Variants in PCDHGA9 observed in about 807,000 individuals in gnomAD.
PCDHGA9 encodes protocadherin gamma subfamily A, 9.
A neutral mutation model predicts 62.5 loss-of-function variants in PCDHGA9; 37 were observed. The ratio of observed to expected loss-of-function variants is 0.59; its 90% CI spans 0.46 to 0.78. The LOEUF (loss-of-function observed/expected upper bound fraction) is 0.78, where lower values mean the gene tolerates loss of function less well. Among genes scored for constraint, PCDHGA9 ranks in the 30% least tolerant of loss-of-function variants. The pLI is 0.00. For missense variants in PCDHGA9, 1,138 were observed against 1,166.2 expected (o/e 0.98, Z 0.35); for synonymous variants, 459 against 484.6 (o/e 0.95, Z 0.69).
rs1157645386 is a variant in PCDHGA9 at position 141,477,622 on chromosome 5, A to C, written c.2425-17185A>C. On this transcript the variant is annotated intron_variant, in intron 1 of 3. Coordinates refer to ENST00000573521, the MANE Select transcript of PCDHGA9 (RefSeq NM_018921.3). This position sits in a 1 kb window ranked among gnomAD's most constrained non-coding sequence, Gnocchi z 4.9. ...TCTTTCTCTTGGAGCAAGGAGCTGA[A>C]ACCGGGCTAGTGGGTCGCTATTTCA... 1 of 1,614,108 alleles carries C rather than the reference A, an allele frequency of 6.2e-7. No homozygotes were observed. The highest frequency in any genetic ancestry group is 2.2e-5 in the East Asian group (1 of 44,904).
chr5:141,496,589 G>A (rs914585858), intron 2 of PCDHGA9, among the ~76,000 whole-genome samples: 7 of 152,124 alleles, frequency 4.6e-5, no homozygotes, highest in Admixed American at 6.5e-5. Flanking sequence ...AACGCAAAGC[G>A]CTTCTTAGAA....
chr5:141,424,036 C>A, intron 1 of PCDHGA9: 1 of 1,029,606 alleles, frequency 9.7e-7, no homozygotes, highest in Non-Finnish European at 1.2e-6. Context: ...CTTTTTATTT[C>A]CATTTCAATT....
intron 1 of PCDHGA9, chr5:141,427,980 G>A (rs1398178738): frequency 6.3e-7 from 1 of 1,596,206 alleles, no homozygotes. Context: ...CCCCGCGCTG[G>A]GGCCCGATGG....
intron 1 of PCDHGA9, chr5:141,423,755 G>A (rs1236551808): frequency 2.5e-5 from 13 of 512,416 alleles, no homozygotes; most frequent in Non-Finnish European, 3.4e-5. Context: ...CTGTTTGGGG[G>A]GGGGGTGGGG....
chr5:141,431,016 C>A lies in PCDHGA9; in HGVS notation c.2424+25640C>A, dbSNP rs755015257. 4 of 1,613,456 alleles carry A rather than the reference C, an allele frequency of 2.5e-6. No individual in the cohort carries two copies. Among genetic ancestry groups the A allele is most frequent in the East Asian group, 2.2e-5 (1 of 44,860 alleles). ...AATCCGCGCAGCGGCAGCTTGGTCA[C>A]GGCGGGCAGGATAGACCGGGAGGAG... is the stretch of plus-strand genomic sequence containing the variant. On this transcript the variant is annotated intron_variant, in intron 1 of 3. Coordinates refer to ENST00000573521, the MANE Select transcript of PCDHGA9 (RefSeq NM_018921.3). The surrounding 1 kb of genome is among the most constrained non-coding windows in gnomAD (Gnocchi z 4.8).
intron 1 of PCDHGA9, chr5:141,409,838 G>A: frequency 1.2e-6 from 2 of 1,611,532 alleles, no homozygotes; most frequent in Non-Finnish European, 1.7e-6. Context: ...CAGCGCCAAC[G>A]TGAGCCTGCG....
chr5:141,447,824 G>T (rs926580893), intron 1 of PCDHGA9, among the ~76,000 whole-genome samples: 2 of 152,034 alleles, frequency 1.3e-5, no homozygotes, highest in Non-Finnish European at 2.9e-5. Context: ...GGTGGCTCAC[G>T]CCTGTAATCC....
In PCDHGA9 at chr5:141,511,033, C is replaced by T. The variant is rs1185153127; in HGVS notation, c.2659C>T (p.His887Tyr). 6.2e-7 allele frequency: 1 copy of T among 1,614,202 alleles called. No individual in the cohort carries two copies. The highest frequency in any genetic ancestry group is 1.7e-5 in the Admixed American group (1 of 60,032). ...CTACGGACCCCAGTTCACCCTGCAG[C>T]ACGTGCCCGACTACCGCCAGAATGT... ...ARYGPQFTLQ[H>Y]VPDYRQNVYI... Residue 887 changes from histidine to tyrosine, a missense_variant, in exon 4 of 4, where the codon CAC becomes TAC. His to Tyr is a moderately conservative substitution (Grantham distance 83). Coordinates refer to ENST00000573521, the MANE Select transcript of PCDHGA9 (RefSeq NM_018921.3).
chr5:141,423,777 T>A, intron 1 of PCDHGA9: 1 of 1,159,844 alleles, frequency 8.6e-7, no homozygotes, highest in Non-Finnish European at 1.1e-6. Flanking sequence ...GGCATATATT[T>A]AGTTCATATA....
chr5:141,468,815 A>G (rs866523229), intron 1 of PCDHGA9, among the ~76,000 whole-genome samples: 7 of 151,958 alleles, frequency 4.6e-5, no homozygotes, highest in Middle Eastern at 3.4e-3. Context: ...GCAGTGAGCC[A>G]AGATCAAGCC....
chr5:141,419,569 C>T (rs1200109635), intron 1 of PCDHGA9: 3 of 1,611,654 alleles, frequency 1.9e-6, no homozygotes, highest in East Asian at 2.2e-5. Context: ...TGGGTCCCGA[C>T]GGCTCCGCGC....
rs888389135 is a variant in PCDHGA9 at position 141,487,089 on chromosome 5, C to T, written c.2425-7718C>T. 12 of 1,613,882 alleles carry T rather than the reference C, an allele frequency of 7.4e-6. No individual in the cohort carries two copies. Among genetic ancestry groups the T allele is most frequent in the Non-Finnish European group, 1.0e-5 (12 of 1,179,768 alleles). On this transcript the variant is annotated intron_variant, in intron 1 of 3. Coordinates refer to ENST00000573521, the MANE Select transcript of PCDHGA9 (RefSeq NM_018921.3). The surrounding 1 kb of genome is among the most constrained non-coding windows in gnomAD (Gnocchi z 5.0). The stretch of plus-strand genomic sequence containing the variant: ...GCTGTTCCTATCCCAGCTGACCTCC[C>T]ACCACAGAAGCTGGTCATTGTGGTA...
intron 1 of PCDHGA9, chr5:141,441,669 T>C: frequency 3.5e-6 from 1 of 287,870 alleles, no homozygotes; most frequent in Non-Finnish European, 6.8e-6. Context: ...GAGCGCACAG[T>C]GCGCCTTCGA....
intron 1 of PCDHGA9, among the ~76,000 whole-genome samples, chr5:141,437,491 T>C (rs1428543921): frequency 6.6e-6 from 1 of 152,184 alleles, no homozygotes; most frequent in Non-Finnish European, 1.5e-5. Flanking sequence ...ATCTCGTAGA[T>C]CACTTTTCAA....
intron 1 of PCDHGA9, chr5:141,419,693 A>G (rs1241615790): frequency 6.2e-7 from 1 of 1,612,884 alleles, no homozygotes; most frequent in Non-Finnish European, 8.5e-7. Flanking sequence ...GGTGCAGGCC[A>G]GTGAGCCCGG....
chr5:141,490,196 A>G lies in PCDHGA9; in HGVS notation c.2425-4611A>G, dbSNP rs748858034. On this transcript the variant is annotated intron_variant, in intron 1 of 3. Coordinates refer to ENST00000573521, the MANE Select transcript of PCDHGA9 (RefSeq NM_018921.3). The surrounding 1 kb of genome is among the most constrained non-coding windows in gnomAD (Gnocchi z 5.4). ...GAGGAGTCACGTTTCTATGAAATTCATGCAAGAGCCCGTGACCAGGGACAG... is the reference window on the plus strand; with the variant it reads ...GAGGAGTCACGTTTCTATGAAATTCGTGCAAGAGCCCGTGACCAGGGACAG... The G allele has an allele frequency of 3.7e-6, 6 of 1,614,196 alleles. No individual in the cohort carries two copies. The highest frequency in any genetic ancestry group is 4.2e-6 in the Non-Finnish European group (5 of 1,180,020).
chr5:141,508,723 G>A (rs941469412), intron 3 of PCDHGA9, among the ~76,000 whole-genome samples: 2 of 151,814 alleles, frequency 1.3e-5, no homozygotes, highest in African/African-American at 4.8e-5. Context: ...TGTGTGCAGG[G>A]AGACTACACC....
At chr5:141,456,421 A>C (rs1358944131) in intron 1 of PCDHGA9, among the ~76,000 whole-genome samples, 1 of 152,150 alleles carries the variant, frequency 6.6e-6, no homozygotes, top group Non-Finnish European at 1.5e-5. Context: ...GAAACAATTC[A>C]AGTTATAGTA....
rs766164142 is a variant in PCDHGA9, at chr5:141,477,910, G to A, written c.2425-16897G>A. On this transcript the variant is annotated intron_variant, in intron 1 of 3. Transcript: ENST00000573521. The surrounding 1 kb of genome is among the most constrained non-coding windows in gnomAD (Gnocchi z 4.9). ...TGTCACGGGTGGTAGGCTGGGACGC[G>A]GATGCAGGGCACAATGCCTGGCTCT... 6.2e-7 allele frequency: 1 copy of A among 1,614,166 alleles called. No individual in the cohort carries two copies. Among genetic ancestry groups the A allele is most frequent in the Admixed American group, 1.7e-5 (1 of 60,020 alleles).
Sources: allele counts gnomAD v4.1 joint callset (sites outside exome capture counted in the v4.1 genomes callset), GRCh38; gene constraint gnomAD v4.1.1; non-coding constraint Gnocchi (gnomAD v3.1); transcripts MANE v1.5; gene names NCBI Gene and HGNC (gene_info 2026-07-23, HGNC 2026-07-21).